Variants in CACNB3 observed in about 807,000 individuals in gnomAD.
CACNB3 encodes voltage-dependent L-type calcium channel subunit beta-3.
Under a neutral mutation model 63.7 loss-of-function variants are expected in CACNB3, and 36 were observed. That is an observed-to-expected ratio of 0.57 (90% confidence interval 0.43 to 0.75). CACNB3 has a LOEUF of 0.75. Ranked by LOEUF, CACNB3 falls within the 30% of genes least tolerant of loss-of-function variation. The pLI is 0.00. For synonymous variants in CACNB3, 241 were observed against 250.6 expected (o/e 0.96, Z 0.36); for missense variants, 493 against 648.6 (o/e 0.76, Z 2.61).
Position 48,826,827 on chromosome 12 carries a change from A to G in CACNB3, c.963A>G (p.Ala321=). 6.2e-7 allele frequency: 1 copy of G among 1,614,110 alleles called. No homozygotes were observed. Among genetic ancestry groups the G allele is most frequent in the Non-Finnish European group, 8.5e-7 (1 of 1,179,968 alleles). The stretch of plus-strand genomic sequence containing the variant: ...AGCACCTGACCGTACAGATGATGGC[A>G]TATGATAAGCTGGTTCAGTGCCCAC... ...QMKHLTVQMM[A]YDKLVQCPPE... is the part of the protein sequence containing the mutation. The change falls in exon 11 of 13, where the codon GCA becomes GCG. Residue 321 remains alanine (A), a synonymous_variant. Transcript: ENST00000301050. The surrounding 1 kb of genome is among the most constrained non-coding windows in gnomAD (Gnocchi z 4.8).
chr12:48,815,882 G>C (rs1942276495), upstream of CACNB3, among the ~76,000 whole-genome samples: 1 of 152,188 alleles, frequency 6.6e-6, no homozygotes, highest in Non-Finnish European at 1.5e-5. Flanking sequence ...AGGGGTGGAA[G>C]AGGCACCGGG....
Position 48,818,877 on chromosome 12 carries a change from TCCGGGCCGCTCCCGCCC to T in CACNB3, c.-48_-32del, listed in dbSNP as rs1592181847. 2.6e-6 allele frequency: 4 copies of T among 1,535,658 alleles called. No homozygotes were observed. The East Asian group carries it at 1.0e-4, about 39-fold the overall frequency. The stretch of plus-strand genomic sequence containing the variant: ...GCGGCCCGCAGTCCTTGCCCCTGCC[TCCGGGCCGCTCCCGCCC>T]CCGGCGCCGCTCGCTCCCCCGACCC... On this transcript the variant is annotated 5_prime_UTR_variant, in exon 1 of 13. Transcript: ENST00000301050. This position sits in a 1 kb window ranked among gnomAD's most constrained non-coding sequence, Gnocchi z 4.3.
In CACNB3 at chr12:48,827,978, T is replaced by C; in HGVS notation, c.*79T>C. ...CACTCCAGGCAGGGTGGCGTTAGAC[T>C]GGCATCAGGCTGGCACTAGGCTCAG... On this transcript the variant is annotated 3_prime_UTR_variant, in exon 13 of 13. Transcript: ENST00000301050. 6.4e-6 allele frequency: 8 copies of C among 1,251,036 alleles called. No homozygotes were observed. Among genetic ancestry groups the C allele is most frequent in the African/African-American group, 1.5e-5 (1 of 67,760 alleles). The allele number at this position is 1,251,036 out of a possible 1,614,324, so 77.5% of individuals were successfully genotyped here.
At chr12:48,819,761 G>C in intron 1 of CACNB3, 1 of 427,424 alleles carries the variant, frequency 2.3e-6, no homozygotes. Context: ...CAGAGAAACA[G>C]GCAACCGATA....
At position 48,825,299 on chromosome 12, in the gene CACNB3, G is replaced by C; in HGVS notation, c.573+56G>C. The C allele has an allele frequency of 3.1e-6, 5 of 1,587,638 alleles. No homozygotes were observed. Among genetic ancestry groups the C allele is most frequent in the South Asian group, 1.1e-5 (1 of 90,244 alleles). On this transcript the variant is annotated intron_variant, in intron 7 of 12. Coordinates refer to ENST00000301050, the MANE Select transcript of CACNB3 (RefSeq NM_000725.4). This position sits in a 1 kb window ranked among gnomAD's most constrained non-coding sequence, Gnocchi z 4.5. ...ACCTCTACCAAGCCTGCCACAGGAA[G>C]TCCCTAGGGAAAGTGGAAGGGGTGT...
At position 48,823,853 on chromosome 12, in the gene CACNB3, T is replaced by C; in HGVS notation, c.291+50T>C. On this transcript the variant is annotated intron_variant, in intron 3 of 12. Coordinates refer to ENST00000301050, the MANE Select transcript of CACNB3 (RefSeq NM_000725.4). This position sits in a 1 kb window ranked among gnomAD's most constrained non-coding sequence, Gnocchi z 4.2. Reference sequence around the variant, plus strand: ...AGCCTCTAACTTCATTTTCTTGCTCTTGCTCCAGATCCTAATGCTTCTGAC... The same window carrying C: ...AGCCTCTAACTTCATTTTCTTGCTCCTGCTCCAGATCCTAATGCTTCTGAC... 6.2e-7 allele frequency: 1 copy of C among 1,611,220 alleles called. No homozygotes were observed. The highest frequency in any genetic ancestry group is 1.1e-5 in the South Asian group (1 of 90,688).
In CACNB3 at chr12:48,826,491, C is replaced by T. The variant is rs763097519; in HGVS notation, c.867C>T (p.Ile289=). Residue 289 remains isoleucine, a synonymous_variant, in exon 10 of 13, where the codon ATC becomes ATT. Transcript: ENST00000301050. The surrounding 1 kb of genome is among the most constrained non-coding windows in gnomAD (Gnocchi z 4.8). The part of the protein sequence containing the change: ...QLAKTSLAPI[I]VFVKVSSPKV... ...CCAAGACCTCGCTGGCCCCCATCAT[C>T]GTCTTTGTCAAAGTGTCCTCACCAA... 4.3e-6 allele frequency: 7 copies of T among 1,614,132 alleles called. No individual in the cohort carries two copies. The highest frequency in any genetic ancestry group is 3.3e-4 in the Middle Eastern group (2 of 6,062).
rs777457851 is a variant in CACNB3 at position 48,823,116 on chromosome 12, G to T, written c.46-228G>T. Among the ~76,000 whole-genome samples the T allele has an allele frequency of 2.6e-5, 4 of 152,208 alleles. No individual in the cohort carries two copies. The highest frequency in any genetic ancestry group is 9.7e-5 in the African/African-American group (4 of 41,442). ...CAAAGCTGCAGTATTAATAGGCTTGGGGGAGGAGGGGCCCAGATCTTTGCA... is the reference window on the plus strand; with the variant it reads ...CAAAGCTGCAGTATTAATAGGCTTGTGGGAGGAGGGGCCCAGATCTTTGCA... On this transcript the variant is annotated intron_variant, in intron 1 of 12. Transcript: ENST00000301050. This position sits in a 1 kb window ranked among gnomAD's most constrained non-coding sequence, Gnocchi z 4.2.
chr12:48,824,514 TAAACA>T (rs1486198117), intron 4 of CACNB3, 141 bp downstream of exon 4: 15 of 1,046,704 alleles, frequency 1.4e-5, no homozygotes, highest in Non-Finnish European at 2.0e-5. Context: ...CACTCAACAC[TAAACA>T]AATCTACAAA....
upstream of CACNB3, chr12:48,818,353 G>A (rs548044850): frequency 4.9e-5 from 31 of 631,322 alleles, no homozygotes; most frequent in African/African-American, 6.1e-4. This position sits in a 1 kb window ranked among gnomAD's most constrained non-coding sequence, Gnocchi z 4.3. Flanking sequence ...TCTCCCTCGC[G>A]GTCTCAGCGC....
Position 48,818,847 on chromosome 12 carries a change from C to T in CACNB3, c.-83C>T. On this transcript the variant is annotated 5_prime_UTR_variant, in exon 1 of 13. Transcript: ENST00000301050. The surrounding 1 kb of genome is among the most constrained non-coding windows in gnomAD (Gnocchi z 4.3). ...GGCTGCGGGGCTCGGTGGCATCTCC[C>T]GGGCGCGGCCCGCAGTCCTTGCCCC... is the stretch of plus-strand genomic sequence containing the variant. 6.9e-7 allele frequency: 1 copy of T among 1,442,728 alleles called. No individual in the cohort carries two copies. The highest frequency in any genetic ancestry group is 9.1e-7 in the Non-Finnish European group (1 of 1,098,422). 89.4% of individuals were successfully genotyped at this position (1,442,728 alleles called of 1,614,324 possible).
chr12:48,825,327 C>T lies in CACNB3; in HGVS notation c.573+84C>T, dbSNP rs1439930275. Reference sequence around the variant, plus strand: ...CCTAGGGAAAGTGGAAGGGGTGTGTCTCCTCCGTCCAGGGTGTGTATGTGG... The same window carrying T: ...CCTAGGGAAAGTGGAAGGGGTGTGTTTCCTCCGTCCAGGGTGTGTATGTGG... On this transcript the variant is annotated intron_variant, in intron 7 of 12. Coordinates refer to ENST00000301050, the MANE Select transcript of CACNB3 (RefSeq NM_000725.4). This position sits in a 1 kb window ranked among gnomAD's most constrained non-coding sequence, Gnocchi z 4.5. 1.3e-6 allele frequency: 2 copies of T among 1,562,414 alleles called. No homozygotes were observed. The highest frequency in any genetic ancestry group is 1.7e-5 in the Admixed American group (1 of 59,652).
intron 1 of CACNB3, chr12:48,821,336 C>T (rs1937837538): frequency 6.6e-6 from 1 of 152,004 alleles, no homozygotes; most frequent in Admixed American, 6.6e-5. Flanking sequence ...CTACAAAAAA[C>T]TAGTAGGCAT....
upstream of CACNB3, chr12:48,815,788 G>A (rs1423280779): frequency 1.1e-4 from 119 of 1,091,386 alleles, 1 homozygote; most frequent in Admixed American, 2.3e-3. Context: ...TGGGAGGAGA[G>A]CTCCGCTCCA....
rs932683221 is a variant in CACNB3 at position 48,818,881 on chromosome 12, G to A, written c.-49G>A. The A allele has an allele frequency of 1.2e-4, 186 of 1,538,990 alleles. No homozygotes were observed. The highest frequency in any genetic ancestry group is 5.3e-4 in the Middle Eastern group (3 of 5,688). ...CCCGCAGTCCTTGCCCCTGCCTCCG[G>A]GCCGCTCCCGCCCCCGGCGCCGCTC... On this transcript the variant is annotated 5_prime_UTR_variant, in exon 1 of 13. Transcript: ENST00000301050. This position sits in a 1 kb window ranked among gnomAD's most constrained non-coding sequence, Gnocchi z 4.3.
Position 48,825,813 on chromosome 12 carries a change from A to G in CACNB3, c.742+44A>G, listed in dbSNP as rs1445859281. Reference sequence around the variant, plus strand: ...CTGCTTCTGTGCCCACTCAAGTGCCAGTGAGAACCTTCCTCCTCCCTTTTC... The same window carrying G: ...CTGCTTCTGTGCCCACTCAAGTGCCGGTGAGAACCTTCCTCCTCCCTTTTC... On this transcript the variant is annotated intron_variant, in intron 9 of 12. Coordinates refer to ENST00000301050, the MANE Select transcript of CACNB3 (RefSeq NM_000725.4). This position sits in a 1 kb window ranked among gnomAD's most constrained non-coding sequence, Gnocchi z 4.5. 7.4e-7 allele frequency: 1 copy of G among 1,359,078 alleles called. No individual in the cohort carries two copies. The allele number at this position is 1,359,078 out of a possible 1,614,324, so 84.2% of individuals were successfully genotyped here. A position where few individuals can be genotyped will look rare whatever the true frequency, so the allele number is the denominator to read the frequency against.
In CACNB3 at chr12:48,818,722, G is replaced by T. The variant is rs536056569; in HGVS notation, c.-208G>T. The stretch of plus-strand genomic sequence containing the variant: ...TCGGGGTGGGACCGGCTGGGTTTGG[G>T]GGGGTGGGGTGGGGGGAGCGGTGAT... On this transcript the variant is annotated 5_prime_UTR_variant, in exon 1 of 13. Transcript: ENST00000301050. The surrounding 1 kb of genome is among the most constrained non-coding windows in gnomAD (Gnocchi z 4.3). The T allele has an allele frequency of 3.1e-6, 4 of 1,287,770 alleles. No individual in the cohort carries two copies. The highest frequency in any genetic ancestry group is 2.2e-5 in the South Asian group (1 of 45,004). 79.8% of individuals were successfully genotyped at this position (1,287,770 alleles called of 1,614,324 possible). A position where few individuals can be genotyped will look rare whatever the true frequency, so the allele number is the denominator to read the frequency against.
chr12:48,827,753 T>C lies in CACNB3; in HGVS notation c.1309T>C (p.Tyr437His), dbSNP rs1213197530. ...EDYADAYQDL[Y>H]QPHRQHTSGL... ...CTATGCAGATGCCTACCAGGACCTG[T>C]ACCAGCCTCACCGCCAACACACCTC... The change falls in exon 13 of 13, where the codon TAC becomes CAC. Residue 437 changes from tyrosine to histidine, a missense_variant. Coordinates refer to ENST00000301050, the MANE Select transcript of CACNB3 (RefSeq NM_000725.4). 1 of 1,614,014 alleles carries C rather than the reference T, an allele frequency of 6.2e-7. No individual in the cohort carries two copies. Among genetic ancestry groups the C allele is most frequent in the Admixed American group, 1.7e-5 (1 of 60,006 alleles).
chr12:48,817,162 G>C (rs1463070818), upstream of CACNB3: 1 of 179,694 alleles, frequency 5.6e-6, no homozygotes, highest in Non-Finnish European at 1.1e-5. Context: ...GTGCTGGGCA[G>C]GGCTGCTCTG....
Sources: gnomAD v4.1 joint callset for allele counts (sites outside exome capture counted in the v4.1 genomes callset) on GRCh38, gnomAD v4.1.1 for gene constraint, Gnocchi (gnomAD v3.1) non-coding constraint, MANE v1.5 for transcripts, NCBI Gene and HGNC (gene_info 2026-07-23, HGNC 2026-07-21) for gene names.